The following PCDHAC1 variants were observed in gnomAD, a reference collection of about 807,000 sequenced individuals.
The protein encoded by PCDHAC1 is protocadherin alpha-C1.
PCDHAC1 carries 42 observed loss-of-function variants against 60.0 expected under a neutral mutation model. That is an observed-to-expected ratio of 0.70 (90% CI 0.55 to 0.90). PCDHAC1 has a LOEUF of 0.90. Ranked by LOEUF, PCDHAC1 falls within the 40% of genes least tolerant of loss-of-function variation. The probability of loss-of-function intolerance (pLI) is 0.00; values close to 1 mark genes in which losing one functional copy is unlikely to be tolerated. For missense variants in PCDHAC1, 1,160 were observed against 1,222.3 expected, an observed-to-expected ratio of 0.95 and a Z score of 0.76; for synonymous variants, 468 against 499.3, an observed-to-expected ratio of 0.94 and a Z score of 0.84.
rs1554262229 is a variant in PCDHAC1, at chr5:141,009,613, G to A, written c.2582-14G>A. ...GTTGACCCTGTTAATGATTTGTAATGTTTTGTCTTTCAGAACCAGAGGCAG... is the reference window on the plus strand; with the variant it reads ...GTTGACCCTGTTAATGATTTGTAATATTTTGTCTTTCAGAACCAGAGGCAG... On this transcript the variant is annotated splice_polypyrimidine_tract_variant and intron_variant, in intron 3 of 3. Coordinates refer to ENST00000253807, the MANE Select transcript of PCDHAC1 (RefSeq NM_018898.5). The A allele has an allele frequency of 6.2e-7, 1 of 1,611,932 alleles. No individual in the cohort carries two copies. Among genetic ancestry groups the A allele is most frequent in the Non-Finnish European group, 8.5e-7 (1 of 1,178,618 alleles).
intron 1 of PCDHAC1, among the ~76,000 whole-genome samples, chr5:140,970,923 C>T (rs1009753173): frequency 1.3e-5 from 2 of 152,032 alleles, no homozygotes; most frequent in African/African-American, 4.8e-5. Flanking sequence ...ATCAGAAGTG[C>T]CTGGTGTTAG....
At chr5:140,947,140 A>G (rs2094093806) in intron 1 of PCDHAC1, among the ~76,000 whole-genome samples, 1 of 151,464 alleles carries the variant, frequency 6.6e-6, no homozygotes, top group Admixed American at 6.6e-5. Context: ...AGTAAAATGT[A>G]TAGTTACTTC....
intron 3 of PCDHAC1, among the ~76,000 whole-genome samples, chr5:140,986,642 T>C (rs1213431039): frequency 6.6e-6 from 1 of 152,174 alleles, no homozygotes; most frequent in Non-Finnish European, 1.5e-5. Flanking sequence ...ACATTAGTTT[T>C]AGAGTGGGAG....
At chr5:140,942,351 G>A (rs893015832) in intron 1 of PCDHAC1, among the ~76,000 whole-genome samples, 1 of 152,024 alleles carries the variant, frequency 6.6e-6, no homozygotes, top group Admixed American at 6.6e-5. Flanking sequence ...GGCGGAGGTT[G>A]CAGTTAACGG....
At position 140,946,631 on chromosome 5, in the gene PCDHAC1, T is replaced by C. The variant is rs75895301; in HGVS notation, c.2433+17306T>C. Among the ~76,000 whole-genome samples, 565 of 131,680 alleles carry C rather than the reference T, an allele frequency of 4.3e-3. 19 individuals are homozygous for C. Among genetic ancestry groups the C allele is most frequent in the Middle Eastern group, 0.019 (5 of 266 alleles). 86.4% of individuals were successfully genotyped at this position (131,680 alleles called of 152,430 possible). A position where few individuals can be genotyped will look rare whatever the true frequency, so the allele number is the denominator to read the frequency against. On this transcript the variant is annotated intron_variant, in intron 1 of 3. Coordinates refer to ENST00000253807, the MANE Select transcript of PCDHAC1 (RefSeq NM_018898.5). ...TGTGAAATATATATATATATATATA[T>C]ACAATGGAATACTCATCAGCCATTA... is the stretch of plus-strand genomic sequence containing the variant.
intron 1 of PCDHAC1, chr5:140,968,325 C>T (rs148804197): frequency 1.2e-6 from 2 of 1,613,988 alleles, no homozygotes; most frequent in African/African-American, 2.7e-5. Context: ...CCAGTCACCT[C>T]CTATGTCTCC....
intron 1 of PCDHAC1, among the ~76,000 whole-genome samples, chr5:140,973,232 G>A (rs1307717074): frequency 6.6e-6 from 1 of 152,196 alleles, no homozygotes; most frequent in Non-Finnish European, 1.5e-5. Context: ...ATAGTGACCT[G>A]AAAGAGTTAA....
chr5:140,951,333 G>A (rs922078825), intron 1 of PCDHAC1, among the ~76,000 whole-genome samples: 1 of 151,964 alleles, frequency 6.6e-6, no homozygotes, highest in African/African-American at 2.4e-5. Flanking sequence ...TCATCATTCT[G>A]TTTGTGTTAG....
At chr5:140,985,103 A>C (rs1342526252) in intron 3 of PCDHAC1, among the ~76,000 whole-genome samples, 1 of 151,694 alleles carries the variant, frequency 6.6e-6, no homozygotes, top group Admixed American at 6.6e-5. Context: ...AAGCCTGGCT[A>C]ATTTTTTGTG....
At chr5:141,005,826 A>T (rs1283643370) in intron 3 of PCDHAC1, among the ~76,000 whole-genome samples, 4 of 151,340 alleles carry the variant, frequency 2.6e-5, no homozygotes, top group Admixed American at 6.6e-5. Flanking sequence ...GGTGGCCTGT[A>T]GTCCCAGCCA....
In PCDHAC1 at chr5:140,927,942, T is replaced by C; in HGVS notation, c.1050T>C (p.Pro350=). 6.2e-7 allele frequency: 1 copy of C among 1,614,226 alleles called. No homozygotes were observed. Among genetic ancestry groups the C allele is most frequent in the Non-Finnish European group, 8.5e-7 (1 of 1,180,036 alleles). ...LDFLTLSNPV[P]EDAAPGTVIA... ...TCCTGACTCTTTCGAACCCAGTACC[T>C]GAGGACGCTGCCCCTGGCACAGTGA... The change falls in exon 1 of 4, where the codon CCT becomes CCC. Residue 350 remains proline (P), a synonymous_variant. Coordinates refer to ENST00000253807, the MANE Select transcript of PCDHAC1 (RefSeq NM_018898.5).
At chr5:140,936,527 T>G (rs533687361) in intron 1 of PCDHAC1, among the ~76,000 whole-genome samples, 3 of 152,368 alleles carry the variant, frequency 2.0e-5, no homozygotes, top group African/African-American at 7.2e-5. Context: ...CTGAAATTGC[T>G]TTTGAATATA....
At chr5:141,009,476 C>T in intron 3 of PCDHAC1, 151 bp from the exon 4 acceptor site, 4 of 1,420,154 alleles carry the variant, frequency 2.8e-6, no homozygotes, top group Non-Finnish European at 2.8e-6. Flanking sequence ...AATAAGTAAA[C>T]ACTTGCCTTG....
intron 1 of PCDHAC1, among the ~76,000 whole-genome samples, chr5:140,963,667 T>A (rs1206076549): frequency 6.6e-6 from 1 of 152,238 alleles, no homozygotes; most frequent in Non-Finnish European, 1.5e-5. Flanking sequence ...CTATATGGCA[T>A]AGTTAAATGT....
At chr5:141,008,426 C>T (rs2098375902) in intron 3 of PCDHAC1, among the ~76,000 whole-genome samples, 1 of 152,170 alleles carries the variant, frequency 6.6e-6, no homozygotes, top group Non-Finnish European at 1.5e-5. Flanking sequence ...ACTGGGATCA[C>T]TTTGCCCAGA....
chr5:140,950,237 A>C (rs1192417956), intron 1 of PCDHAC1, among the ~76,000 whole-genome samples: 1 of 151,954 alleles, frequency 6.6e-6, no homozygotes, highest in African/African-American at 2.4e-5. Context: ...AGTGCCATTA[A>C]TTTGTTCCTA....
chr5:140,937,599 A>T (rs2091614434), intron 1 of PCDHAC1, among the ~76,000 whole-genome samples: 3 of 151,728 alleles, frequency 2.0e-5, no homozygotes, highest in African/African-American at 7.3e-5. Context: ...CCTGGGCAAC[A>T]GAGTGATACT....
At chr5:140,939,119 C>A (rs1427966155) in intron 1 of PCDHAC1, among the ~76,000 whole-genome samples, 9 of 152,170 alleles carry the variant, frequency 5.9e-5, no homozygotes, top group African/African-American at 1.7e-4. Flanking sequence ...TTTCACAATT[C>A]TGGAAGCTGG....
rs553749529 is a variant in PCDHAC1, at chr5:140,931,877, G to C, written c.2433+2552G>C. 3.3e-5 allele frequency among the ~76,000 whole-genome samples: 5 copies of C among 151,886 alleles called. No individual in the cohort carries two copies. The South Asian group carries it at 8.3e-4, about 25-fold the overall frequency. The stretch of plus-strand genomic sequence containing the variant: ...GGATTCTAGAAATAAAATATTTATT[G>C]CTTTCATTTTATTTCAAATCATTTG... On this transcript the variant is annotated intron_variant, in intron 1 of 3. Coordinates refer to ENST00000253807, the MANE Select transcript of PCDHAC1 (RefSeq NM_018898.5).
Sources: gnomAD v4.1 joint callset for allele counts (sites outside exome capture counted in the v4.1 genomes callset) on GRCh38, gnomAD v4.1.1 for gene constraint, MANE v1.5 for transcripts, NCBI Gene and HGNC (gene_info 2026-07-23, HGNC 2026-07-21) for gene names.